The following ZFHX3 variants were observed in gnomAD, a reference collection of about 807,000 sequenced individuals.
ZFHX3 encodes zinc finger homeobox protein 3.
ZFHX3 carries 42 observed loss-of-function variants against 279.1 expected under a neutral mutation model. The observed-to-expected ratio is 0.15, with a 90% CI of 0.12 to 0.19. ZFHX3 has a LOEUF of 0.19. Among genes scored for constraint, ZFHX3 ranks in the 10% least tolerant of loss-of-function variants. The pLI, the probability that ZFHX3 is intolerant of heterozygous loss-of-function variation, is 1.00. For synonymous variants in ZFHX3, 2,293 were observed against 1,957.8 expected, an observed-to-expected ratio of 1.17 and a Z score of -4.52; for missense variants, 4,981 against 4,754.0, an observed-to-expected ratio of 1.05 and a Z score of -1.40.
intron 3 of ZFHX3, chr16:73,402,126 T>C (rs1213450477): frequency 6.6e-6 from 1 of 152,228 alleles, no homozygotes; most frequent in Non-Finnish European, 1.5e-5. Flanking sequence ...ATATCTGCAT[T>C]TCAAGACTGG....
chr16:73,645,596 G>T (rs1238537460), intron 2 of ZFHX3, among the ~76,000 whole-genome samples: 2 of 152,148 alleles, frequency 1.3e-5, no homozygotes, highest in African/African-American at 4.8e-5. Context: ...TAATAAATAT[G>T]TTGATGATGA....
At chr16:73,452,215 T>G (rs980591436) in intron 3 of ZFHX3, among the ~76,000 whole-genome samples, 4 of 152,196 alleles carry the variant, frequency 2.6e-5, no homozygotes, top group African/African-American at 9.7e-5. Flanking sequence ...ATAATTAACA[T>G]TTTATGGTGA....
At chr16:73,432,567 A>G (rs2017927778) in intron 3 of ZFHX3, among the ~76,000 whole-genome samples, 1 of 152,160 alleles carries the variant, frequency 6.6e-6, no homozygotes, top group Non-Finnish European at 1.5e-5. Context: ...TTATTCACAT[A>G]TGAAGAGAAT....
intron 3 of ZFHX3, among the ~76,000 whole-genome samples, chr16:72,902,763 A>G (rs560210263): frequency 4.6e-5 from 7 of 152,142 alleles, no homozygotes; most frequent in Admixed American, 1.3e-4. Context: ...CCGTTTTCAG[A>G]GCACAAAGGG....
At chr16:73,496,594 G>A (rs576093549) in intron 2 of ZFHX3, among the ~76,000 whole-genome samples, 2 of 152,288 alleles carry the variant, frequency 1.3e-5, no homozygotes, top group South Asian at 4.1e-4. Flanking sequence ...TGGTGGGAAG[G>A]TTTGCTCTTC....
rs549268149 is a variant in ZFHX3, at chr16:73,393,458, G to A, written c.-1291+62545C>T. 1.6e-4 allele frequency among the ~76,000 whole-genome samples: 25 copies of A among 152,276 alleles called. No individual in the cohort carries two copies. The South Asian group carries it at 4.8e-3, about 29-fold the overall frequency. ...TTCAGTACTCCCAATCTAGACAGTC[G>A]TTCATATGCTAGTTCCTTTGAGATC... On this transcript the variant is annotated intron_variant, in intron 3 of 17. Coordinates refer to the ZFHX3 transcript ENST00000641206.
chr16:73,185,128 C>T (rs949640496), intron 5 of ZFHX3, among the ~76,000 whole-genome samples: 1 of 152,092 alleles, frequency 6.6e-6, no homozygotes, highest in Non-Finnish European at 1.5e-5. Flanking sequence ...CATGTACCAT[C>T]TCTTATAGGC....
intron 1 of ZFHX3, among the ~76,000 whole-genome samples, chr16:73,823,629 C>T (rs189630010): frequency 5.8e-4 from 89 of 152,238 alleles, no homozygotes; most frequent in African/African-American, 1.8e-3. Context: ...CATTCATTTA[C>T]GCATTGTCTA....
chr16:73,872,077 T>C (rs973164885), intron 1 of ZFHX3, among the ~76,000 whole-genome samples: 3 of 152,222 alleles, frequency 2.0e-5, no homozygotes, highest in Non-Finnish European at 4.4e-5. Context: ...AAGTGAATGA[T>C]TGGATGGAAT....
chr16:73,169,202 G>A (rs1967462588), intron 5 of ZFHX3, among the ~76,000 whole-genome samples: 1 of 152,250 alleles, frequency 6.6e-6, no homozygotes, highest in East Asian at 1.9e-4. Flanking sequence ...TACATAAAAC[G>A]ATTACATGGT....
At chr16:72,995,946 A>C (rs1963267873) in intron 1 of ZFHX3, among the ~76,000 whole-genome samples, 1 of 152,160 alleles carries the variant, frequency 6.6e-6, no homozygotes, top group South Asian at 2.1e-4. Context: ...GCACTGTCCT[A>C]TCTTGGTAAT....
At chr16:73,600,188 A>C (rs2052096972) in intron 2 of ZFHX3, among the ~76,000 whole-genome samples, 1 of 152,224 alleles carries the variant, frequency 6.6e-6, no homozygotes, top group Non-Finnish European at 1.5e-5. Context: ...TAACAAGATC[A>C]GACTAAAGGC....
intron 1 of ZFHX3, among the ~76,000 whole-genome samples, chr16:73,843,336 G>T (rs72803176): frequency 6.6e-6 from 1 of 152,200 alleles, no homozygotes; most frequent in Non-Finnish European, 1.5e-5. Context: ...GTTTTAAAAC[G>T]TGTGAAGATA....
chr16:72,998,565 G>A (rs1335260458), intron 1 of ZFHX3, among the ~76,000 whole-genome samples: 9 of 152,212 alleles, frequency 5.9e-5, no homozygotes, highest in Admixed American at 3.3e-4. Context: ...AAACTGGTAT[G>A]TGTTCCACAC....
intron 2 of ZFHX3, among the ~76,000 whole-genome samples, chr16:73,468,335 A>G (rs879407596): frequency 5.9e-5 from 9 of 152,200 alleles, no homozygotes; most frequent in Non-Finnish European, 1.2e-4. Flanking sequence ...GCCACCCCTT[A>G]AGGACGGTTC....
intron 1 of ZFHX3, among the ~76,000 whole-genome samples, chr16:73,002,174 C>A (rs957593497): frequency 6.6e-6 from 1 of 152,154 alleles, no homozygotes; most frequent in Non-Finnish European, 1.5e-5. Flanking sequence ...GGAACTCAAA[C>A]CCCCGCCAGG....
chr16:72,928,541 C>T (rs1010826794), intron 3 of ZFHX3, among the ~76,000 whole-genome samples: 1 of 152,154 alleles, frequency 6.6e-6, no homozygotes. Context: ...CCCCCAAACT[C>T]TAGGCCCAAG....
At chr16:73,000,783 G>A (rs536331884) in intron 1 of ZFHX3, among the ~76,000 whole-genome samples, 1 of 152,190 alleles carries the variant, frequency 6.6e-6, no homozygotes, top group Non-Finnish European at 1.5e-5. Flanking sequence ...CATGTGACAA[G>A]ACCTTCCTCC....
At chr16:73,742,654 T>C (rs2053669624) in intron 1 of ZFHX3, among the ~76,000 whole-genome samples, 1 of 152,196 alleles carries the variant, frequency 6.6e-6, no homozygotes, top group Admixed American at 6.6e-5. Flanking sequence ...TAACAGCACC[T>C]TATCAAAATT....
Sources: gnomAD v4.1 joint callset for allele counts (sites outside exome capture counted in the v4.1 genomes callset) on GRCh38, gnomAD v4.1.1 for gene constraint, MANE v1.5 for transcripts, NCBI Gene and HGNC (gene_info 2026-07-23, HGNC 2026-07-21) for gene names.